The following VEPH1 variants were observed in gnomAD, a reference collection of about 807,000 sequenced individuals.
VEPH1 encodes ventricular zone-expressed PH domain-containing protein homolog 1.
VEPH1 carries 80 observed loss-of-function variants against 85.2 expected under a neutral mutation model. The observed-to-expected ratio is 0.94, with a 90% CI of 0.78 to 1.13. The LOEUF is 1.13. VEPH1 is among the 50% of genes most tolerant of loss of function. The pLI is 0.00. For synonymous variants in VEPH1, 297 were observed against 348.0 expected, an observed-to-expected ratio of 0.85 and a Z score of 1.63; for missense variants, 955 against 980.5, an observed-to-expected ratio of 0.97 and a Z score of 0.35.
At chr3:157,351,227 C>T (rs954666184) in intron 9 of VEPH1, among the ~76,000 whole-genome samples, 1 of 151,974 alleles carries the variant, frequency 6.6e-6, no homozygotes, top group African/African-American at 2.4e-5. Context: ...GGGCAGATCA[C>T]CTGAGGTCAG....
intron 4 of VEPH1, among the ~76,000 whole-genome samples, chr3:157,458,391 T>C (rs1735553264): frequency 6.6e-6 from 1 of 152,196 alleles, no homozygotes; most frequent in Admixed American, 6.5e-5. Context: ...CTCTTGGTTC[T>C]CTAGTTCTTT....
chr3:157,394,691 C>T (rs1346773998), intron 6 of VEPH1, among the ~76,000 whole-genome samples: 2 of 152,148 alleles, frequency 1.3e-5, no homozygotes, highest in African/African-American at 4.8e-5. Context: ...AGGTGCCACA[C>T]ACTTAAACAA....
chr3:157,296,733 T>C (rs1283624284), intron 11 of VEPH1, among the ~76,000 whole-genome samples: 1 of 152,250 alleles, frequency 6.6e-6, no homozygotes, highest in Non-Finnish European at 1.5e-5. Context: ...ATAAAAGTTT[T>C]TCTGCTGAGT....
intron 6 of VEPH1, among the ~76,000 whole-genome samples, chr3:157,403,246 A>C (rs1416078894): frequency 6.6e-6 from 1 of 152,144 alleles, no homozygotes; most frequent in Non-Finnish European, 1.5e-5. Context: ...GCTACAAAAA[A>C]AAATCAAATA....
At chr3:157,494,326 T>C (rs1054224865) in intron 2 of VEPH1, among the ~76,000 whole-genome samples, 2 of 150,810 alleles carry the variant, frequency 1.3e-5, no homozygotes, top group African/African-American at 5.0e-5. Context: ...ATCTTTCCAA[T>C]GAGTGTCTGT....
Position 157,390,924 on chromosome 3 carries a change from C to A in VEPH1, c.907-9548G>T, listed in dbSNP as rs558936021. 3.3e-5 allele frequency among the ~76,000 whole-genome samples: 5 copies of A among 152,344 alleles called. No individual in the cohort carries two copies. In the East Asian group the frequency reaches 9.6e-4, roughly 29 times the overall value. On this transcript the variant is annotated intron_variant, in intron 6 of 13. Coordinates refer to ENST00000362010, the MANE Select transcript of VEPH1 (RefSeq NM_001167912.2). ...CTGGCATCTCCAAGTTTTTGGGCAC[C>A]ACCACATTCCTCTTGTCCAGATGCC...
chr3:157,338,976 C>T (rs1193966168), intron 9 of VEPH1, among the ~76,000 whole-genome samples: 2 of 152,206 alleles, frequency 1.3e-5, no homozygotes, highest in Admixed American at 6.5e-5. Context: ...TCAGAGCCTA[C>T]AGTGATATTG....
At chr3:157,463,790 C>T (rs1352626458) in intron 3 of VEPH1, among the ~76,000 whole-genome samples, 9 of 152,180 alleles carry the variant, frequency 5.9e-5, no homozygotes, top group Admixed American at 5.9e-4. Flanking sequence ...ATCCCTTTCA[C>T]ATTTTCAGGA....
chr3:157,262,226 GACA>G (rs956321436), intron 13 of VEPH1, among the ~76,000 whole-genome samples: 12 of 151,970 alleles, frequency 7.9e-5, no homozygotes, highest in African/African-American at 2.9e-4. Context: ...TCCAACTATT[GACA>G]TCAGGGAAGT....
chr3:157,283,929 G>T (rs1716451686), intron 12 of VEPH1, among the ~76,000 whole-genome samples: 1 of 152,192 alleles, frequency 6.6e-6, no homozygotes, highest in Non-Finnish European at 1.5e-5. Flanking sequence ...TGATAGGGCA[G>T]CTGGCCCCTG....
chr3:157,280,615 G>A (rs776037064), intron 12 of VEPH1, among the ~76,000 whole-genome samples: 1 of 152,118 alleles, frequency 6.6e-6, no homozygotes, highest in Non-Finnish European at 1.5e-5. Context: ...TAACATTTTA[G>A]CATAATACTA....
intron 8 of VEPH1, 39 bp downstream of exon 8, chr3:157,364,264 G>C (rs1559995574): frequency 6.8e-7 from 1 of 1,466,792 alleles, no homozygotes; most frequent in Admixed American, 1.8e-5. Context: ...TAGCGAACAT[G>C]AAGTGTATGA....
chr3:157,502,239 GA>G (rs1254551313), intron 1 of VEPH1, among the ~76,000 whole-genome samples: 5 of 152,034 alleles, frequency 3.3e-5, no homozygotes, highest in Non-Finnish European at 7.4e-5. Flanking sequence ...ATAAGTACAT[GA>G]AAAAAATAGA....
chr3:157,356,108 A>T (rs1725397769), intron 9 of VEPH1, among the ~76,000 whole-genome samples: 1 of 152,114 alleles, frequency 6.6e-6, no homozygotes, highest in Non-Finnish European at 1.5e-5. Flanking sequence ...CATACTGCCC[A>T]GGCTGGCCGT....
chr3:157,276,118 A>C (rs571945255), intron 12 of VEPH1, among the ~76,000 whole-genome samples: 27 of 152,290 alleles, frequency 1.8e-4, no homozygotes, highest in Middle Eastern at 3.4e-3. Flanking sequence ...GTAACATCCT[A>C]CACAATATTG....
At chr3:157,459,956 A>G in intron 4 of VEPH1, 1 of 1,537,332 alleles carries the variant, frequency 6.5e-7, no homozygotes, top group Middle Eastern at 1.7e-4. Flanking sequence ...AAGAATGCTT[A>G]CAATTCTTTT....
intron 9 of VEPH1, 107 bp from the exon 10 acceptor site, chr3:157,317,308 A>C (rs1317037683): frequency 1.9e-6 from 2 of 1,080,654 alleles, no homozygotes; most frequent in Non-Finnish European, 2.5e-6. Context: ...TTCAGTTTTC[A>C]AACTGTGAGC....
chr3:157,413,505 T>G lies in VEPH1; in HGVS notation c.906+376A>C, dbSNP rs1323108206. The stretch of plus-strand genomic sequence containing the variant: ...CAACCTGAAATGAGATACAGCTCTT[T>G]TATTGGTTGTTGTTACTGCAAAGTG... On this transcript the variant is annotated intron_variant, in intron 6 of 13. Coordinates refer to ENST00000362010, the MANE Select transcript of VEPH1 (RefSeq NM_001167912.2). The G allele has an allele frequency of 3.0e-6, 3 of 985,276 alleles. No individual in the cohort carries two copies. In the East Asian group the frequency reaches 3.4e-4, roughly 112 times the overall value. The allele number at this position is 985,276 out of a possible 1,614,324, so 61.0% of individuals were successfully genotyped here.
At chr3:157,500,749 G>C (rs1476272017) in intron 1 of VEPH1, among the ~76,000 whole-genome samples, 2 of 151,648 alleles carry the variant, frequency 1.3e-5, no homozygotes, top group Non-Finnish European at 2.9e-5. Flanking sequence ...TTTTTAAAGG[G>C]TGTAGAGTCC....
Sources: allele counts gnomAD v4.1 joint callset (sites outside exome capture counted in the v4.1 genomes callset), GRCh38; gene constraint gnomAD v4.1.1; transcripts MANE v1.5; gene names NCBI Gene and HGNC (gene_info 2026-07-23, HGNC 2026-07-21).